Variants in KAT6A observed in about 807,000 individuals in gnomAD.
KAT6A encodes the protein lysine acetyltransferase 6A, also known as histone acetyltransferase KAT6A.
A neutral mutation model predicts 198.4 loss-of-function variants in KAT6A; 9 were observed. The observed-to-expected ratio is 0.05, with a 90% CI of 0.03 to 0.08. The LOEUF is 0.08. KAT6A is among the 10% of genes least tolerant of loss of function. KAT6A has a pLI of 1.00. For synonymous variants in KAT6A, 890 were observed against 883.0 expected (o/e 1.01, Z -0.14); for missense variants, 2,077 against 2,509.9 (o/e 0.83, Z 3.69).
intron 2 of KAT6A, among the ~76,000 whole-genome samples, chr8:42,040,991 T>C (rs956117206): frequency 2.6e-5 from 4 of 151,734 alleles, no homozygotes; most frequent in East Asian, 3.9e-4. Context: ...AATCAGGAGT[T>C]TGAGATTCGT....
At chr8:42,025,418 G>A (rs1047444453) in intron 2 of KAT6A, among the ~76,000 whole-genome samples, 10 of 111,746 alleles carry the variant, frequency 8.9e-5, no homozygotes, top group African/African-American at 4.2e-4. Flanking sequence ...TCGCCATGTT[G>A]GGTAGGCTGG....
chr8:41,937,706 T>A, intron 15 of KAT6A, 138 bp from the exon 16 acceptor site: 1 of 631,486 alleles, frequency 1.6e-6, no homozygotes, highest in Non-Finnish European at 2.7e-6. Flanking sequence ...TTTTGAATAT[T>A]ATTTCAAAAT....
In KAT6A at chr8:41,974,694, C is replaced by A; in HGVS notation, c.1482+10G>T. 1 of 1,536,678 alleles carries A rather than the reference C, an allele frequency of 6.5e-7. No individual in the cohort carries two copies. On this transcript the variant is annotated intron_variant, in intron 8 of 16. Coordinates refer to ENST00000265713, the MANE Select transcript of KAT6A (RefSeq NM_006766.5). Reference sequence around the variant, plus strand: ...TTGCTTGATTGTCTAACCTGAATATCCAACTTTACCTGCAGTGCTTGTTCT... The same window carrying A: ...TTGCTTGATTGTCTAACCTGAATATACAACTTTACCTGCAGTGCTTGTTCT...
intron 8 of KAT6A, among the ~76,000 whole-genome samples, chr8:41,971,378 G>A (rs978829017): frequency 1.3e-5 from 2 of 152,126 alleles, no homozygotes; most frequent in African/African-American, 2.4e-5. Flanking sequence ...ATTTTCGTGT[G>A]GATATGAGCA....
intron 1 of KAT6A, among the ~76,000 whole-genome samples, chr8:42,051,528 C>G (rs1429403231): frequency 6.9e-6 from 1 of 145,248 alleles, no homozygotes; most frequent in East Asian, 2.0e-4. Context: ...TCGCCGGCTC[C>G]GCCAGCCCGA....
chr8:41,977,316 G>A lies in KAT6A; in HGVS notation c.1055C>T (p.Pro352Leu). ...LKKQNTVSKG[P>L]FSKVRTGPGR... ...AGGGCCAGTTCGAACTTTGCTGAAGGGACCTTTTGATCTAAACAATTAAAC... is the reference window on the plus strand; with the variant it reads ...AGGGCCAGTTCGAACTTTGCTGAAGAGACCTTTTGATCTAAACAATTAAAC... Residue 352 changes from proline to leucine, a missense_variant, in exon 7 of 17, where the codon CCC (proline) becomes CTC (leucine). Physicochemically the swap from Pro to Leu is moderately conservative, Grantham distance 98. This residue lies in a region of KAT6A where 206 missense variants were observed against 214.9 expected (regional missense o/e 0.96). Transcript: ENST00000265713. 2 of 1,612,116 alleles carry A rather than the reference G, an allele frequency of 1.2e-6. No homozygotes were observed. The highest frequency in any genetic ancestry group is 1.7e-5 in the Admixed American group (1 of 59,866).
intron 2 of KAT6A, among the ~76,000 whole-genome samples, chr8:42,044,350 C>G (rs145778166): frequency 1.3e-5 from 2 of 152,036 alleles, no homozygotes; most frequent in Non-Finnish European, 2.9e-5. Context: ...CCACCCCCCC[C>G]TCGGCATCCC....
chr8:42,009,905 AAAAAAAAAACAAAAAAAAAC>A (rs1487612862), intron 2 of KAT6A, among the ~76,000 whole-genome samples: 3 of 142,072 alleles, frequency 2.1e-5, no homozygotes, highest in Admixed American at 6.9e-5. Context: ...AAAAAAAAAA[AAAAAAAAAACAAAAAAAAAC>A]AAAACCACAA....
At chr8:42,006,571 T>C (rs1185273847) in intron 2 of KAT6A, among the ~76,000 whole-genome samples, 2 of 152,202 alleles carry the variant, frequency 1.3e-5, no homozygotes, top group African/African-American at 2.4e-5. Flanking sequence ...AATGCTCCAA[T>C]GAGCATTTCC....
chr8:42,022,817 T>TA (rs1344617817), intron 2 of KAT6A, among the ~76,000 whole-genome samples: 1 of 152,154 alleles, frequency 6.6e-6, no homozygotes, highest in African/African-American at 2.4e-5. Flanking sequence ...GGGCTACATA[T>TA]AAAAATGTAT....
chr8:42,041,589 T>A (rs1395871238), intron 2 of KAT6A, among the ~76,000 whole-genome samples: 1 of 151,748 alleles, frequency 6.6e-6, no homozygotes, highest in African/African-American at 2.4e-5. Context: ...AATACAAAAA[T>A]TAGGTAGGTA....
In KAT6A at chr8:41,932,284, G is replaced by A. The variant is rs766654618; in HGVS notation, c.5936C>T (p.Thr1979Ile). The change falls in exon 17 of 17, where the codon ACA becomes ATA. Residue 1979 changes from threonine (T) to isoleucine (I), a missense_variant. Physicochemically the swap from Thr to Ile is moderately conservative, Grantham distance 89. Coordinates refer to ENST00000265713, the MANE Select transcript of KAT6A (RefSeq NM_006766.5). ...CATGTAGCTGTGATGGGAGGGGCCTGTGTACATCATGTTCCCATGAGGGTT... is the reference window on the plus strand; with the variant it reads ...CATGTAGCTGTGATGGGAGGGGCCTATGTACATCATGTTCCCATGAGGGTT... ...QPNPHGNMMY[T>I]GPSHHSYMNA... The A allele has an allele frequency of 6.2e-7, 1 of 1,614,194 alleles. No individual in the cohort carries two copies. The highest frequency in any genetic ancestry group is 8.5e-7 in the Non-Finnish European group (1 of 1,180,022).
chr8:41,969,243 C>G (rs1316540310), intron 8 of KAT6A, among the ~76,000 whole-genome samples: 1 of 152,180 alleles, frequency 6.6e-6, no homozygotes, highest in East Asian at 1.9e-4. Flanking sequence ...TTTTGAAACA[C>G]AGGTTCAAGC....
At chr8:41,984,899 C>T (rs550221438) in intron 3 of KAT6A, among the ~76,000 whole-genome samples, 20 of 150,918 alleles carry the variant, frequency 1.3e-4, no homozygotes, top group African/African-American at 4.9e-4. Context: ...AGGAGAATGG[C>T]GTGAACCCGG....
In KAT6A at chr8:41,977,330, A is replaced by C; in HGVS notation, c.1044-3T>G. ...CTTTGCTGAAGGGACCTTTTGATCT[A>C]AACAATTAAACAGGGGAAAGGGTAA... On this transcript the variant is annotated splice_polypyrimidine_tract_variant and splice_region_variant and intron_variant, in intron 6 of 16. Transcript: ENST00000265713. The C allele has an allele frequency of 6.2e-7, 1 of 1,604,896 alleles. No homozygotes were observed. The highest frequency in any genetic ancestry group is 8.5e-7 in the Non-Finnish European group (1 of 1,174,308).
intron 2 of KAT6A, among the ~76,000 whole-genome samples, chr8:42,031,041 G>GT (rs993342947): frequency 7.4e-6 from 1 of 135,932 alleles, no homozygotes; most frequent in Non-Finnish European, 1.6e-5. Context: ...AAAAAAAAGG[G>GT]GGGGGGGACA....
intron 2 of KAT6A, among the ~76,000 whole-genome samples, chr8:42,018,734 C>T (rs771663301): frequency 2.6e-5 from 4 of 152,128 alleles, no homozygotes; most frequent in Middle Eastern, 3.4e-3. Flanking sequence ...ACCCGCCTGG[C>T]CAACATGGTG....
intron 14 of KAT6A, chr8:41,942,370 T>C: frequency 4.0e-6 from 1 of 249,144 alleles, no homozygotes; most frequent in South Asian, 1.2e-4. Context: ...TGTCCTGAAC[T>C]CCTAATCTCA....
chr8:41,946,648 T>C lies in KAT6A; in HGVS notation c.1939A>G (p.Ile647Val), dbSNP rs1402980278. The change falls in exon 12 of 17, where the codon ATA becomes GTA. Residue 647 changes from isoleucine (I) to valine (V), a missense_variant. Transcript: ENST00000265713. Reference protein sequence around the residue: ...HCQQKYNVSCIMILPQYQRKG... With the variant: ...HCQQKYNVSCVMILPQYQRKG... ...CGCTGGTATTGAGGAAGAATCATTA[T>C]ACAGGAAACATTGTACTTCTGTTGG... is the stretch of plus-strand genomic sequence containing the variant. 1 of 1,608,870 alleles carries C rather than the reference T, an allele frequency of 6.2e-7. No homozygotes were observed. Among genetic ancestry groups the C allele is most frequent in the South Asian group, 1.1e-5 (1 of 90,972 alleles).
Sources: allele counts gnomAD v4.1 joint callset (sites outside exome capture counted in the v4.1 genomes callset), GRCh38; gene constraint gnomAD v4.1.1; regional missense constraint gnomAD v4.1.1; transcripts MANE v1.5; gene names NCBI Gene and HGNC (gene_info 2026-07-23, HGNC 2026-07-21).